BMP2K: variants seen among roughly 807,000 people sequenced by gnomAD.
BMP2K encodes the protein BMP-2-inducible protein kinase.
A neutral mutation model predicts 116.0 loss-of-function variants in BMP2K; 74 were observed. The observed-to-expected ratio is 0.64, with a 90% CI of 0.53 to 0.77. The LOEUF is 0.77. Ranked by LOEUF, BMP2K falls within the 30% of genes least tolerant of loss-of-function variation. The pLI, the probability that BMP2K is intolerant of heterozygous loss-of-function variation, is 0.00. For synonymous variants in BMP2K, 486 were observed against 502.5 expected (o/e 0.97, Z 0.44); for missense variants, 1,365 against 1,403.6 (o/e 0.97, Z 0.44).
At chr4:78,890,477 TC>T in intron 15 of BMP2K, among the ~76,000 whole-genome samples, 1 of 152,238 alleles carries the variant, frequency 6.6e-6, no homozygotes, top group Middle Eastern at 3.4e-3. Context: ...TTTGGTTGAT[TC>T]AGTGTTCAGT....
At chr4:78,853,582 G>A (rs910322112) in intron 7 of BMP2K, among the ~76,000 whole-genome samples, 1 of 152,140 alleles carries the variant, frequency 6.6e-6, no homozygotes, top group Non-Finnish European at 1.5e-5. Flanking sequence ...AAAGCTGGCT[G>A]CCTCAGTTGT....
At chr4:78,891,563 C>T (rs959142214) in intron 15 of BMP2K, among the ~76,000 whole-genome samples, 14 of 152,166 alleles carry the variant, frequency 9.2e-5, no homozygotes, top group African/African-American at 3.1e-4. Context: ...CCTCTGTTTT[C>T]TAGCTCTTTG....
intron 9 of BMP2K, among the ~76,000 whole-genome samples, chr4:78,862,056 A>G (rs1357574040): frequency 2.6e-5 from 4 of 151,980 alleles, no homozygotes; most frequent in Non-Finnish European, 5.9e-5. Flanking sequence ...TTAAAAGTTA[A>G]TAAGCAGGAT....
At chr4:78,796,187 T>C (rs1474063859) in intron 1 of BMP2K, among the ~76,000 whole-genome samples, 1 of 152,082 alleles carries the variant, frequency 6.6e-6, no homozygotes, top group East Asian at 1.9e-4. Context: ...GTGGCACATA[T>C]ACACCATGGA....
intron 10 of BMP2K, among the ~76,000 whole-genome samples, chr4:78,866,783 T>C (rs908918747): frequency 3.3e-5 from 5 of 152,274 alleles, no homozygotes; most frequent in African/African-American, 1.2e-4. Context: ...TCCAAGTAGC[T>C]GGGATTACAG....
chr4:78,899,632 A>G (rs1733893322), intron 15 of BMP2K, among the ~76,000 whole-genome samples: 1 of 152,060 alleles, frequency 6.6e-6, no homozygotes, highest in Non-Finnish European at 1.5e-5. Context: ...AAACAGGAGA[A>G]GTACAGGAGG....
At chr4:78,789,473 G>A (rs1727898662) in intron 1 of BMP2K, among the ~76,000 whole-genome samples, 1 of 152,176 alleles carries the variant, frequency 6.6e-6, no homozygotes, top group Admixed American at 6.6e-5. Flanking sequence ...TTGGGGTGGG[G>A]ACTTGGAACT....
At chr4:78,808,057 T>C (rs1728907715) in intron 1 of BMP2K, among the ~76,000 whole-genome samples, 1 of 152,026 alleles carries the variant, frequency 6.6e-6, no homozygotes, top group Non-Finnish European at 1.5e-5. Context: ...TCCTAGGTTT[T>C]ATTTATTTTT....
At chr4:78,869,548 C>T (rs1281707426) in intron 10 of BMP2K, among the ~76,000 whole-genome samples, 1 of 152,112 alleles carries the variant, frequency 6.6e-6, no homozygotes, top group East Asian at 1.9e-4. Context: ...AAAAAAATGA[C>T]AATGCTTGCA....
At chr4:78,835,643 A>C (rs1730440956) in intron 3 of BMP2K, among the ~76,000 whole-genome samples, 1 of 151,594 alleles carries the variant, frequency 6.6e-6, no homozygotes, top group Non-Finnish European at 1.5e-5. Flanking sequence ...AAAAAAAAAA[A>C]AAAAAAGTCA....
chr4:78,825,937 A>G (rs1729848268), intron 1 of BMP2K, 100 bp from the exon 2 acceptor site: 7 of 910,168 alleles, frequency 7.7e-6, no homozygotes, highest in South Asian at 1.6e-5. Context: ...CTTGGGTACA[A>G]TCATTGTTTA....
Position 78,870,748 on chromosome 4 carries a change from A to G in BMP2K, c.1232-35A>G, listed in dbSNP as rs748657636. ...ATCCAGCTTTTTAATTGAAATCATTAGTATGTTAATGTAAGTGTTTGGACC... is the reference window on the plus strand; with the variant it reads ...ATCCAGCTTTTTAATTGAAATCATTGGTATGTTAATGTAAGTGTTTGGACC... On this transcript the variant is annotated intron_variant, in intron 10 of 15. Coordinates refer to ENST00000502613, the MANE Select transcript of BMP2K (RefSeq NM_198892.2). 3.2e-6 allele frequency: 5 copies of G among 1,567,574 alleles called. No individual in the cohort carries two copies. In the East Asian group the frequency reaches 9.1e-5, roughly 28 times the overall value.
At position 78,914,406 on chromosome 4, in the gene BMP2K, GGGTTCAATA is replaced by G. The variant is rs1454592937; in HGVS notation, c.*2376_*2384del. On this transcript the variant is annotated 3_prime_UTR_variant, in exon 16 of 16. Transcript: ENST00000502613. ...GAGAAAAGATACAGGATTCAATTGGGGGTTCAATAGGATAGAAATGGAGAGATTCCTTTG... is the reference window on the plus strand; with the variant it reads ...GAGAAAAGATACAGGATTCAATTGGGGGATAGAAATGGAGAGATTCCTTTG... 2 of 151,924 alleles carry G rather than the reference GGGTTCAATA, an allele frequency of 1.3e-5. No homozygotes were observed. The highest frequency in any genetic ancestry group is 2.9e-5 in the Non-Finnish European group (2 of 67,938). 9.4% of individuals were successfully genotyped at this position (151,924 alleles called of 1,614,324 possible). A position where few individuals can be genotyped will look rare whatever the true frequency, so the allele number is the denominator to read the frequency against.
At chr4:78,827,859 A>G (rs895174516) in intron 2 of BMP2K, among the ~76,000 whole-genome samples, 7 of 152,258 alleles carry the variant, frequency 4.6e-5, no homozygotes, top group Admixed American at 2.6e-4. Flanking sequence ...GCAGCCATCC[A>G]AACAGAATGT....
At chr4:78,837,810 A>G (rs904407157) in intron 3 of BMP2K, among the ~76,000 whole-genome samples, 5 of 151,966 alleles carry the variant, frequency 3.3e-5, no homozygotes, top group African/African-American at 1.2e-4. Flanking sequence ...CAATTTCTTA[A>G]TTTTTAATTT....
In BMP2K at chr4:78,911,633, C is replaced by T; in HGVS notation, c.3086C>T (p.Ser1029Phe). The T allele has an allele frequency of 4.3e-6, 7 of 1,614,014 alleles. No homozygotes were observed. The highest frequency in any genetic ancestry group is 5.9e-6 in the Non-Finnish European group (7 of 1,179,884). Residue 1029 changes from serine (S) to phenylalanine (F), a missense_variant, in exon 16 of 16, where the codon TCT becomes TTT. Coordinates refer to ENST00000502613, the MANE Select transcript of BMP2K (RefSeq NM_198892.2). ...RRHKKVGRRD[S>F]QSSNEFLTIS... The stretch of plus-strand genomic sequence containing the variant: ...CACAAAAAAGTGGGCCGCCGAGACT[C>T]TCAAAGTAGCAATGAATTTTTAACC...
chr4:78,865,878 C>T (rs776569487), intron 10 of BMP2K, 158 bp downstream of exon 10: 11 of 710,786 alleles, frequency 1.5e-5, no homozygotes, highest in Non-Finnish European at 2.5e-5. Flanking sequence ...CAGTTGGTTT[C>T]TCAACAATTC....
At chr4:78,838,870 A>C (rs1378883724) in intron 3 of BMP2K, among the ~76,000 whole-genome samples, 1 of 152,172 alleles carries the variant, frequency 6.6e-6, no homozygotes, top group Admixed American at 6.5e-5. Flanking sequence ...ATTTGCTAAT[A>C]TTTTGATACA....
At chr4:78,852,795 G>A (rs1731322522) in intron 7 of BMP2K, among the ~76,000 whole-genome samples, 1 of 152,054 alleles carries the variant, frequency 6.6e-6, no homozygotes, top group Admixed American at 6.6e-5. Context: ...TGTAGAGATT[G>A]GGTTTTGCTG....
Sources: allele counts gnomAD v4.1 joint callset (sites outside exome capture counted in the v4.1 genomes callset), GRCh38; gene constraint gnomAD v4.1.1; transcripts MANE v1.5; gene names NCBI Gene and HGNC (gene_info 2026-07-23, HGNC 2026-07-21).